Variants in GALNT17 observed in about 807,000 individuals in gnomAD.
GALNT17 encodes UDP-GalNAc:polypeptide N-acetylgalactosaminyltransferase-like 3.
Under a neutral mutation model 63.7 loss-of-function variants are expected in GALNT17, and 29 were observed. The observed-to-expected ratio is 0.46, with a 90% CI of 0.34 to 0.62. The LOEUF (loss-of-function observed/expected upper bound fraction) is 0.62, where lower values mean the gene tolerates loss of function less well. GALNT17 is among the 20% of genes least tolerant of loss of function. The pLI is 0.01. For synonymous variants in GALNT17, 305 were observed against 318.3 expected (o/e 0.96, Z 0.45); for missense variants, 603 against 799.6 (o/e 0.75, Z 2.97).
chr7:71,480,390 C>T (rs1255794407), intron 5 of GALNT17, among the ~76,000 whole-genome samples: 1 of 152,018 alleles, frequency 6.6e-6, no homozygotes, highest in Non-Finnish European at 1.5e-5. Context: ...AGGGTCTCTG[C>T]AGTCAGTCCT....
intron 9 of GALNT17, among the ~76,000 whole-genome samples, chr7:71,703,163 G>A (rs763113808): frequency 4.6e-5 from 7 of 152,210 alleles, no homozygotes; most frequent in East Asian, 3.8e-4. Context: ...TCAGCACAGC[G>A]CCTGGGGGCA....
chr7:71,200,207 G>A (rs969840552), intron 1 of GALNT17, among the ~76,000 whole-genome samples: 7 of 152,074 alleles, frequency 4.6e-5, no homozygotes, highest in African/African-American at 1.2e-4. Context: ...GTTCTGCCAC[G>A]TTATCATGTT....
intron 8 of GALNT17, among the ~76,000 whole-genome samples, chr7:71,674,512 T>C (rs1484250320): frequency 1.3e-5 from 2 of 151,822 alleles, no homozygotes; most frequent in African/African-American, 4.8e-5. Context: ...CTGTTGGCTC[T>C]AGACAACTTT....
At chr7:71,562,688 A>G (rs895984529) in intron 5 of GALNT17, among the ~76,000 whole-genome samples, 1 of 152,062 alleles carries the variant, frequency 6.6e-6, no homozygotes, top group Non-Finnish European at 1.5e-5. Flanking sequence ...ATGAAGCTTT[A>G]CTCACTTGCC....
intron 1 of GALNT17, among the ~76,000 whole-genome samples, chr7:71,305,203 T>G (rs1791267014): frequency 7.0e-6 from 1 of 142,690 alleles, no homozygotes; most frequent in East Asian, 1.9e-4. Flanking sequence ...TAATCCTATT[T>G]GGAGCAAAAA....
rs1410130350 is a variant in GALNT17, at chr7:71,521,235, TTTTTTTTTCCCCAA to T, written c.963-50049_963-50036del. Among the ~76,000 whole-genome samples, 491 of 152,276 alleles carry T rather than the reference TTTTTTTTTCCCCAA, an allele frequency of 3.2e-3. 2 individuals are homozygous for T. Among genetic ancestry groups the T allele is most frequent in the African/African-American group, 0.011 (469 of 41,566 alleles). On this transcript the variant is annotated intron_variant, in intron 5 of 10. Transcript: ENST00000333538. ...TGCTCAGATAGATCCCAAATCTTTT[TTTTTTTTTCCCCAA>T]ATCAGGTTCTAGGGCTGTGTGCTGG...
intron 1 of GALNT17, among the ~76,000 whole-genome samples, chr7:71,208,624 G>A (rs1034973388): frequency 4.0e-5 from 6 of 151,298 alleles, no homozygotes; most frequent in Non-Finnish European, 7.4e-5. Flanking sequence ...CCAATTTTTC[G>A]TATTTTTGGT....
At chr7:71,150,240 G>T (rs1389113486) in intron 1 of GALNT17, among the ~76,000 whole-genome samples, 1 of 152,056 alleles carries the variant, frequency 6.6e-6, no homozygotes, top group Non-Finnish European at 1.5e-5. Context: ...ATTATACTAG[G>T]GTCTGGATGA....
At chr7:71,304,930 A>G (rs1443894307) in intron 1 of GALNT17, among the ~76,000 whole-genome samples, 1 of 152,162 alleles carries the variant, frequency 6.6e-6, no homozygotes, top group Non-Finnish European at 1.5e-5. Context: ...TTTTTAGTAG[A>G]CATAGGGTTT....
At chr7:71,591,151 G>C (rs1789794168) in intron 6 of GALNT17, among the ~76,000 whole-genome samples, 1 of 151,872 alleles carries the variant, frequency 6.6e-6, no homozygotes, top group South Asian at 2.1e-4. Flanking sequence ...CCACCTCATG[G>C]GTTCAAGCGA....
intron 3 of GALNT17, among the ~76,000 whole-genome samples, chr7:71,391,308 C>T (rs1793046759): frequency 6.6e-6 from 1 of 152,068 alleles, no homozygotes; most frequent in Non-Finnish European, 1.5e-5. Flanking sequence ...CTAGGTAGAG[C>T]CCAGCCCAGG....
At chr7:71,672,685 G>A (rs1327558520) in intron 8 of GALNT17, among the ~76,000 whole-genome samples, 1 of 152,110 alleles carries the variant, frequency 6.6e-6, no homozygotes, top group African/African-American at 2.4e-5. Context: ...CCGAGTAGCT[G>A]GGATTACAGG....
intron 1 of GALNT17, among the ~76,000 whole-genome samples, chr7:71,281,245 GATGGA>G (rs1790772910): frequency 1.3e-5 from 2 of 152,210 alleles, no homozygotes; most frequent in Non-Finnish European, 2.9e-5. Flanking sequence ...CTGTGATCCT[GATGGA>G]AGGTTTCTCA....
At chr7:71,464,090 C>T (rs1195319876) in intron 5 of GALNT17, among the ~76,000 whole-genome samples, 1 of 152,106 alleles carries the variant, frequency 6.6e-6, no homozygotes, top group Non-Finnish European at 1.5e-5. Flanking sequence ...TGTTCCGAAC[C>T]CAACCTCCAA....
chr7:71,255,335 C>T (rs1413300808), intron 1 of GALNT17, among the ~76,000 whole-genome samples: 3 of 152,190 alleles, frequency 2.0e-5, no homozygotes, highest in Middle Eastern at 3.2e-3. Flanking sequence ...TGCACAAGCT[C>T]TCTCTTTTCT....
intron 6 of GALNT17, among the ~76,000 whole-genome samples, chr7:71,641,258 G>T (rs768519288): frequency 1.3e-5 from 2 of 152,118 alleles, no homozygotes; most frequent in Non-Finnish European, 2.9e-5. Context: ...AGGTTAAGCA[G>T]ACCCACGTTT....
At chr7:71,500,259 G>T (rs540835686) in intron 5 of GALNT17, among the ~76,000 whole-genome samples, 1 of 152,190 alleles carries the variant, frequency 6.6e-6, no homozygotes, top group South Asian at 2.1e-4. Flanking sequence ...TGTCTATTCT[G>T]TATGTTTGTG....
At chr7:71,134,268 T>C (rs1787741146) in intron 1 of GALNT17, among the ~76,000 whole-genome samples, 1 of 152,212 alleles carries the variant, frequency 6.6e-6, no homozygotes, top group African/African-American at 2.4e-5. Context: ...CAAACTTCTA[T>C]CCATGGTTTT....
chr7:71,341,003 A>G (rs189948417), intron 2 of GALNT17, among the ~76,000 whole-genome samples: 1 of 152,302 alleles, frequency 6.6e-6, no homozygotes, highest in East Asian at 1.9e-4. Flanking sequence ...GCGCCACTGC[A>G]CTCCAGCCTG....
Sources: gnomAD v4.1 joint callset for allele counts (sites outside exome capture counted in the v4.1 genomes callset) on GRCh38, gnomAD v4.1.1 for gene constraint, MANE v1.5 for transcripts, NCBI Gene and HGNC (gene_info 2026-07-23, HGNC 2026-07-21) for gene names.